TOMM20L: variants seen among roughly 807,000 people sequenced by gnomAD.
The protein encoded by TOMM20L is TOMM20-like protein 1.
TOMM20L carries 19 observed loss-of-function variants against 20.4 expected under a neutral mutation model. The ratio of observed to expected loss-of-function variants is 0.93; its 90% CI spans 0.65 to 1.36. The LOEUF is 1.36. Ranked by LOEUF, TOMM20L falls within the 40% of genes most tolerant of loss-of-function variation. TOMM20L has a pLI of 0.00. For missense variants in TOMM20L, 218 were observed against 203.7 expected, an observed-to-expected ratio of 1.07 and a Z score of -0.43; for synonymous variants, 75 against 79.6, an observed-to-expected ratio of 0.94 and a Z score of 0.30.
intron 1 of TOMM20L, 84 bp downstream of exon 1, chr14:58,396,177 G>A (rs940954328): frequency 7.2e-7 from 1 of 1,385,160 alleles, no homozygotes; most frequent in Non-Finnish European, 9.4e-7. Flanking sequence ...CTGAGAGGCC[G>A]GGCCGTGAGT....
At chr14:58,407,888 T>C (rs1056161779) in intron 4 of TOMM20L, among the ~76,000 whole-genome samples, 1 of 152,234 alleles carries the variant, frequency 6.6e-6, no homozygotes, top group Non-Finnish European at 1.5e-5. Context: ...TTGGTGTATG[T>C]ATGCATCAAC....
At chr14:58,411,901 CCTT>C (rs2036232711), downstream of TOMM20L, 1 of 1,613,492 alleles carries the variant, frequency 6.2e-7, no homozygotes, top group African/African-American at 1.3e-5. Context: ...AATTAGAATA[CCTT>C]ACCTGTTTTA....
At chr14:58,401,921 C>A (rs2035998320) in intron 2 of TOMM20L, among the ~76,000 whole-genome samples, 1 of 152,042 alleles carries the variant, frequency 6.6e-6, no homozygotes, top group African/African-American at 2.4e-5. Flanking sequence ...TTTTTGTTTC[C>A]CCGATTAGAG....
At chr14:58,408,935 G>A (rs527460650), downstream of TOMM20L, 2 of 1,495,522 alleles carry the variant, frequency 1.3e-6, no homozygotes, top group Admixed American at 4.7e-5. Flanking sequence ...GTTGAACATG[G>A]TGGCTACTGC....
At chr14:58,410,546 G>A (rs1285270147), downstream of TOMM20L, among the ~76,000 whole-genome samples, 2 of 152,190 alleles carry the variant, frequency 1.3e-5, no homozygotes, top group Non-Finnish European at 1.5e-5. Context: ...GTTTCTCTAG[G>A]TAGGCCATCT....
downstream of TOMM20L, among the ~76,000 whole-genome samples, chr14:58,413,698 T>C (rs1178384537): frequency 6.6e-6 from 1 of 152,130 alleles, no homozygotes; most frequent in Non-Finnish European, 1.5e-5. Flanking sequence ...AGGTTGAGCA[T>C]TTCATATAAA....
chr14:58,408,470 G>GC, intron 4 of TOMM20L, 59 bp from the exon 5 acceptor site: 1 of 1,499,202 alleles, frequency 6.7e-7, no homozygotes, highest in African/African-American at 1.4e-5. Context: ...CACAAGGGAG[G>GC]CAAGAAAAGG....
At chr14:58,404,034 G>T (rs1490567206) in intron 3 of TOMM20L, among the ~76,000 whole-genome samples, 1 of 129,152 alleles carries the variant, frequency 7.7e-6, no homozygotes, top group African/African-American at 2.8e-5. Context: ...AATTTAAGAA[G>T]TAACTGATAT....
intron 3 of TOMM20L, 21 bp from the exon 4 acceptor site, chr14:58,407,305 A>G (rs761017293): frequency 2.5e-6 from 4 of 1,569,334 alleles, no homozygotes; most frequent in South Asian, 1.2e-5. Flanking sequence ...ATTTTGCTCA[A>G]AACTTGTCAT....
intron 4 of TOMM20L, 79 bp from the exon 5 acceptor site, chr14:58,408,450 C>T (rs2036102024): frequency 7.7e-7 from 1 of 1,306,026 alleles, no homozygotes; most frequent in South Asian, 1.3e-5. Context: ...ATATGTAATG[C>T]CCACCCTGAC....
At position 58,401,050 on chromosome 14, in the gene TOMM20L, T is replaced by A. The variant is rs533355791; in HGVS notation, c.181-1630T>A. Among the ~76,000 whole-genome samples the A allele has an allele frequency of 3.3e-5, 5 of 152,340 alleles. No homozygotes were observed. In the South Asian group the frequency reaches 1.0e-3, roughly 32 times the overall value. On this transcript the variant is annotated intron_variant, in intron 2 of 4. Coordinates refer to ENST00000360945, the MANE Select transcript of TOMM20L (RefSeq NM_207377.3). ...TTGACAATTCTCCAACTAGATGTAA[T>A]GTCTCTGTACTTTGAGCCCCAGAGG...
Position 58,407,479 on chromosome 14 carries a change from A to G in TOMM20L, c.405+11A>G. On this transcript the variant is annotated intron_variant, in intron 4 of 4. Coordinates refer to ENST00000360945, the MANE Select transcript of TOMM20L (RefSeq NM_207377.3). ...CCCCTTATTTGCCAGGTGAGCACAT[A>G]TTTAATTATCTTTGTGAAATGTACA... is the stretch of plus-strand genomic sequence containing the variant. 6.2e-7 allele frequency: 1 copy of G among 1,607,532 alleles called. No homozygotes were observed. The highest frequency in any genetic ancestry group is 8.5e-7 in the Non-Finnish European group (1 of 1,177,746).
At chr14:58,404,090 C>CATATATGTGTGTGTGTATAT (rs1470382627) in intron 3 of TOMM20L, among the ~76,000 whole-genome samples, 2 of 16,834 alleles carry the variant, frequency 1.2e-4, no homozygotes, top group South Asian at 2.5e-3. Context: ...TGTATATATA[C>CATATATGTGTGTGTGTATAT]ATATATATGT....
chr14:58,401,573 A>AT (rs2035992970), intron 2 of TOMM20L, among the ~76,000 whole-genome samples: 1 of 151,902 alleles, frequency 6.6e-6, no homozygotes, highest in Non-Finnish European at 1.5e-5. Flanking sequence ...CTGTCTCAAA[A>AT]AAAAAAAAAA....
At chr14:58,414,330 T>A in the TOMM20L span, among the ~76,000 whole-genome samples, 4 of 152,022 alleles carry the variant, frequency 2.6e-5, no homozygotes, top group South Asian at 8.3e-4. Flanking sequence ...TATGCCACCA[T>A]CACAAAAAAA....
At chr14:58,409,504 G>C (rs547089737), downstream of TOMM20L, among the ~76,000 whole-genome samples, 6 of 152,274 alleles carry the variant, frequency 3.9e-5, no homozygotes, top group Non-Finnish European at 7.4e-5. Flanking sequence ...TGTAGACCCA[G>C]TAGTAAGTTT....
chr14:58,405,940 G>T (rs1261620501), intron 3 of TOMM20L, among the ~76,000 whole-genome samples: 1 of 152,138 alleles, frequency 6.6e-6, no homozygotes, highest in Admixed American at 6.5e-5. Flanking sequence ...TGGAACCCAG[G>T]TGTCAATATT....
In TOMM20L at chr14:58,407,487, A is replaced by G; in HGVS notation, c.405+19A>G. 1 of 1,605,216 alleles carries G rather than the reference A, an allele frequency of 6.2e-7. No individual in the cohort carries two copies. Among genetic ancestry groups the G allele is most frequent in the African/African-American group, 1.3e-5 (1 of 74,558 alleles). On this transcript the variant is annotated intron_variant, in intron 4 of 4. Coordinates refer to ENST00000360945, the MANE Select transcript of TOMM20L (RefSeq NM_207377.3). ...TTGCCAGGTGAGCACATATTTAATTATCTTTGTGAAATGTACACAGTAAAT... is the reference window on the plus strand; with the variant it reads ...TTGCCAGGTGAGCACATATTTAATTGTCTTTGTGAAATGTACACAGTAAAT...
chr14:58,397,785 A>C (rs1047920075), intron 2 of TOMM20L, among the ~76,000 whole-genome samples: 1 of 152,194 alleles, frequency 6.6e-6, no homozygotes, highest in African/African-American at 2.4e-5. Context: ...GGAATTACTG[A>C]AGATTTCTAA....
Sources: gnomAD v4.1 joint callset for allele counts (sites outside exome capture counted in the v4.1 genomes callset) on GRCh38, gnomAD v4.1.1 for gene constraint, MANE v1.5 for transcripts, NCBI Gene and HGNC (gene_info 2026-07-23, HGNC 2026-07-21) for gene names.